The following RASL12 variants were observed in gnomAD, a reference collection of about 807,000 sequenced individuals.
RASL12 encodes the protein ras-like protein family member 12.
A neutral mutation model predicts 22.9 loss-of-function variants in RASL12; 16 were observed. That is an observed-to-expected ratio of 0.70 (90% CI 0.47 to 1.06). The LOEUF (loss-of-function observed/expected upper bound fraction) is 1.06, where lower values mean the gene tolerates loss of function less well. Among genes scored for constraint, RASL12 ranks in the 50% least tolerant of loss-of-function variants. The probability of loss-of-function intolerance (pLI) is 0.00; values close to 1 mark genes in which losing one functional copy is unlikely to be tolerated. For missense variants in RASL12, 306 were observed against 353.1 expected (o/e 0.87, Z 1.07); for synonymous variants, 159 against 152.2 (o/e 1.04, Z -0.33).
At chr15:65,057,797 A>T (rs1229718602) in intron 4 of RASL12, among the ~76,000 whole-genome samples, 1 of 152,150 alleles carries the variant, frequency 6.6e-6, no homozygotes, top group Non-Finnish European at 1.5e-5. Flanking sequence ...TGGGAGTGAG[A>T]TCGGAAGGTC....
Position 65,067,716 on chromosome 15 carries a change from TC to T in RASL12, c.103+16del, listed in dbSNP as rs1326726879. The T allele has an allele frequency of 1.3e-6, 2 of 1,538,382 alleles. No homozygotes were observed. ...CAGCTCCGCACTTGGCGGCTCAGGC[TC>T]CCCGGCGCCACTCACCAGACTTGCC... On this transcript the variant is annotated intron_variant, in intron 1 of 4. Coordinates refer to ENST00000220062, the MANE Select transcript of RASL12 (RefSeq NM_016563.4).
At chr15:65,066,510 TA>T (rs58244368) in intron 1 of RASL12, among the ~76,000 whole-genome samples, 139 of 145,136 alleles carry the variant, frequency 9.6e-4, no homozygotes, top group Middle Eastern at 7.0e-3. Flanking sequence ...GACACTGTCT[TA>T]AAAAAAAAAA....
the RASL12 span, among the ~76,000 whole-genome samples, chr15:65,046,819 G>A: frequency 8.1e-5 from 12 of 148,192 alleles, no homozygotes; most frequent in Admixed American, 8.0e-4. Flanking sequence ...AGGCTGAGGT[G>A]AGAGGATCGC....
At chr15:65,052,303 C>T (rs2086663471), downstream of RASL12, among the ~76,000 whole-genome samples, 1 of 151,404 alleles carries the variant, frequency 6.6e-6, no homozygotes. Flanking sequence ...AGTAGGATGA[C>T]AGTCCAAGGT....
intron 2 of RASL12, among the ~76,000 whole-genome samples, chr15:65,062,482 G>C (rs1048427876): frequency 2.6e-5 from 4 of 152,204 alleles, no homozygotes; most frequent in Non-Finnish European, 4.4e-5. Flanking sequence ...TTGTGCCTGA[G>C]GGTCTCCATA....
chr15:65,045,691 A>G, the RASL12 span: 1 of 152,356 alleles, frequency 6.6e-6, no homozygotes, highest in East Asian at 1.9e-4. Context: ...GATCTCCCAG[A>G]GGGGCTTAAG....
At chr15:65,052,848 T>C, downstream of RASL12, 1 of 849,732 alleles carries the variant, frequency 1.2e-6, no homozygotes. Context: ...GCTTCTCCTC[T>C]AGTAGCTCCC....
At chr15:65,056,006 A>T (rs1378054817) in intron 4 of RASL12, among the ~76,000 whole-genome samples, 1 of 152,128 alleles carries the variant, frequency 6.6e-6, no homozygotes, top group Admixed American at 6.5e-5. Context: ...CCGTGAAGGG[A>T]GGATAGAATA....
In RASL12 at chr15:65,058,382, A is replaced by G. The variant is rs779046698; in HGVS notation, c.425+45T>C. 3 of 1,401,212 alleles carry G rather than the reference A, an allele frequency of 2.1e-6. No homozygotes were observed. In the African/African-American group the frequency reaches 4.4e-5, roughly 20 times the overall value. 86.8% of individuals were successfully genotyped at this position (1,401,212 alleles called of 1,614,324 possible). On this transcript the variant is annotated intron_variant, in intron 4 of 4. Transcript: ENST00000220062. Reference sequence around the variant, plus strand: ...AAGATGCCACCTGACCTTACAAGTGAAGAAAGCGAGCTCTGGAGATAACGG... The same window carrying G: ...AAGATGCCACCTGACCTTACAAGTGGAGAAAGCGAGCTCTGGAGATAACGG...
chr15:65,045,786 G>T, the RASL12 span, among the ~76,000 whole-genome samples: 1 of 152,228 alleles, frequency 6.6e-6, no homozygotes, highest in African/African-American at 2.4e-5. Context: ...CTAACAAAAT[G>T]CAAATAAGGC....
chr15:65,068,957 C>T (rs375365478), upstream of RASL12, among the ~76,000 whole-genome samples: 4 of 152,180 alleles, frequency 2.6e-5, no homozygotes, highest in African/African-American at 7.2e-5. The surrounding 1 kb of genome is among the most constrained non-coding windows in gnomAD (Gnocchi z 4.2). Flanking sequence ...TCCAGGCCTG[C>T]GTACATTCTA....
chr15:65,058,564 C>T lies in RASL12; in HGVS notation c.288G>A (p.Val96=), dbSNP rs754582654. The change falls in exon 4 of 5, where the codon GTG becomes GTA. Residue 96 remains valine, a synonymous_variant. Transcript: ENST00000220062. ...TCTGGCGGCTGTCGACGCTGTACACCACCAGGAAGGCATGGGCCCAGTTCA... is the reference window on the plus strand; with the variant it reads ...TCTGGCGGCTGTCGACGCTGTACACTACCAGGAAGGCATGGGCCCAGTTCA... ...RYLNWAHAFL[V]VYSVDSRQSF... is the part of the protein sequence containing the mutation. The T allele has an allele frequency of 3.1e-6, 5 of 1,607,928 alleles. No homozygotes were observed. In the South Asian group the frequency reaches 3.3e-5, roughly 11 times the overall value.
At chr15:65,067,511 C>G (rs1206244485) in intron 1 of RASL12, among the ~76,000 whole-genome samples, 1 of 152,022 alleles carries the variant, frequency 6.6e-6, no homozygotes, top group East Asian at 1.9e-4. Flanking sequence ...AGGCAGGGAA[C>G]AGAAGACAGA....
At chr15:65,068,001 C>T, upstream of RASL12, 5 of 1,152,778 alleles carry the variant, frequency 4.3e-6, no homozygotes, top group Non-Finnish European at 4.3e-6. The surrounding 1 kb of genome is among the most constrained non-coding windows in gnomAD (Gnocchi z 4.2). Flanking sequence ...TGCCACCCCG[C>T]GGGGAGGAGG....
chr15:65,067,270 C>T (rs1188586455), intron 1 of RASL12, among the ~76,000 whole-genome samples: 1 of 151,944 alleles, frequency 6.6e-6, no homozygotes, highest in Non-Finnish European at 1.5e-5. Flanking sequence ...TGCGACTAAG[C>T]TCAAAGAGGC....
At chr15:65,045,860 G>A in the RASL12 span, among the ~76,000 whole-genome samples, 103 of 152,334 alleles carry the variant, frequency 6.8e-4, no homozygotes, top group African/African-American at 2.5e-3. Context: ...AACTGGATAC[G>A]TGCTTTGATA....
At position 65,053,714 on chromosome 15, in the gene RASL12, G is replaced by A; in HGVS notation, c.*1185C>T. 1.0e-6 allele frequency: 1 copy of A among 988,028 alleles called. No individual in the cohort carries two copies. The highest frequency in any genetic ancestry group is 1.2e-6 in the Non-Finnish European group (1 of 831,546). The allele number at this position is 988,028 out of a possible 1,614,324, so 61.2% of individuals were successfully genotyped here. A position where few individuals can be genotyped will look rare whatever the true frequency, so the allele number is the denominator to read the frequency against. On this transcript the variant is annotated 3_prime_UTR_variant, in exon 5 of 5. Coordinates refer to ENST00000220062, the MANE Select transcript of RASL12 (RefSeq NM_016563.4). ...GACCCTCTCTTTTCCCTGCTTGTCT[G>A]CTAAGAGTCTGTGCAAGACTTCCCT...
In RASL12 at chr15:65,065,233, T is replaced by G. The variant is rs946061608; in HGVS notation, c.144A>C (p.Glu48Asp). The G allele has an allele frequency of 3.1e-6, 5 of 1,612,756 alleles. No individual in the cohort carries two copies. The African/African-American group carries it at 5.3e-5, about 17-fold the overall frequency. ...GTTTCTTACCCAAGTTGGGGTCATA[T>G]TCACTGATAAACCTCTTGGTCAGAA... The part of the protein sequence containing the change: ...VKFLTKRFIS[E>D]YDPNLEDTYS... The change falls in exon 2 of 5, where the codon GAA (glutamate) becomes GAC (aspartate). Residue 48 changes from glutamate to aspartate, a missense_variant. Transcript: ENST00000220062.
Position 65,058,466 on chromosome 15 carries a change from G to A in RASL12, c.386C>T (p.Ala129Val). ...GTCCAGCTTGTTGCCCAGCAGCAGG[G>A]CAGGGATGCTGCGCTGTGTCTCCTT... ...HAKETQRSIP[A>V]LLLGNKLDMA... The change falls in exon 4 of 5, where the codon GCC becomes GTC. Residue 129 changes from alanine to valine, a missense_variant. Transcript: ENST00000220062. 6.3e-7 allele frequency: 1 copy of A among 1,597,412 alleles called. No homozygotes were observed. The highest frequency in any genetic ancestry group is 8.6e-7 in the Non-Finnish European group (1 of 1,168,830).
Sources: gnomAD v4.1 joint callset for allele counts (sites outside exome capture counted in the v4.1 genomes callset) on GRCh38, gnomAD v4.1.1 for gene constraint, Gnocchi (gnomAD v3.1) non-coding constraint, MANE v1.5 for transcripts, NCBI Gene and HGNC (gene_info 2026-07-23, HGNC 2026-07-21) for gene names.